Variants in TMC5 observed in about 807,000 individuals in gnomAD.
TMC5 encodes the protein transmembrane channel like 5.
A neutral mutation model predicts 110.5 loss-of-function variants in TMC5; 86 were observed. That is an observed-to-expected ratio of 0.78 (90% CI 0.65 to 0.93). The LOEUF (loss-of-function observed/expected upper bound fraction) is 0.93. TMC5 is among the 40% of genes least tolerant of loss of function. The pLI, the probability that TMC5 is intolerant of heterozygous loss-of-function variation, is 0.00. For synonymous variants in TMC5, 455 were observed against 439.5 expected (o/e 1.04, Z -0.44); for missense variants, 1,144 against 1,222.8 (o/e 0.94, Z 0.96).
intron 17 of TMC5, among the ~76,000 whole-genome samples, chr16:19,489,644 ATTTTT>A (rs34372092): frequency 7.7e-6 from 1 of 129,328 alleles, no homozygotes; most frequent in African/African-American, 2.8e-5. Context: ...TGCCTGGCTA[ATTTTT>A]TTTTTTTTTT....
Position 19,463,450 on chromosome 16 carries a change from T to G in TMC5, c.1236+83T>G, listed in dbSNP as rs868168967. The G allele has an allele frequency of 3.9e-5, 46 of 1,178,314 alleles. No individual in the cohort carries two copies. In the African/African-American group the frequency reaches 5.9e-4, roughly 15 times the overall value. The allele number at this position is 1,178,314 out of a possible 1,614,324, so 73.0% of individuals were successfully genotyped here. The stretch of plus-strand genomic sequence containing the variant: ...GATGAAAGGGGACTCAGGGGGAAGA[T>G]GAACCAAAAATCAGAGCAATTTCAT... On this transcript the variant is annotated intron_variant, in intron 7 of 21. Transcript: ENST00000542583.
intron 5 of TMC5, among the ~76,000 whole-genome samples, chr16:19,455,454 CA>C (rs1447531248): frequency 6.6e-6 from 1 of 151,872 alleles, no homozygotes; most frequent in Non-Finnish European, 1.5e-5. Flanking sequence ...TTTTAAAAAG[CA>C]AAAAAACAAG....
chr16:19,444,311 G>T, intron 4 of TMC5, 61 bp downstream of exon 4: 2 of 1,507,698 alleles, frequency 1.3e-6, no homozygotes, highest in African/African-American at 2.7e-5. Context: ...TGGATTTAGG[G>T]GTGCAATCAT....
intron 20 of TMC5, among the ~76,000 whole-genome samples, chr16:19,496,008 T>C (rs1234121012): frequency 6.6e-6 from 1 of 151,632 alleles, no homozygotes; most frequent in Non-Finnish European, 1.5e-5. Context: ...ACAAGAAAAC[T>C]TAGCTGGGTG....
chr16:19,460,426 A>C, intron 6 of TMC5, 92 bp downstream of exon 6: 1 of 869,742 alleles, frequency 1.1e-6, no homozygotes, highest in Non-Finnish European at 1.8e-6. Flanking sequence ...GAAATAAATA[A>C]GCACAATAGA....
rs539556622 is a variant in TMC5, at chr16:19,452,001, T to G, written c.1048+2370T>G. On this transcript the variant is annotated intron_variant, in intron 5 of 21. Transcript: ENST00000542583. Reference sequence around the variant, plus strand: ...TTTAGTAGAGACGGGGTTTCGGCATTTTGGCCAGGCTGGTCTCAAACTCCT... The same window carrying G: ...TTTAGTAGAGACGGGGTTTCGGCATGTTGGCCAGGCTGGTCTCAAACTCCT... 3.5e-3 allele frequency among the ~76,000 whole-genome samples: 530 copies of G among 152,078 alleles called. 5 individuals carry two copies. The highest frequency in any genetic ancestry group is 6.6e-3 in the Non-Finnish European group (447 of 67,984).
intron 4 of TMC5, among the ~76,000 whole-genome samples, chr16:19,447,542 A>AT (rs1967641282): frequency 6.6e-6 from 1 of 152,130 alleles, no homozygotes; most frequent in Non-Finnish European, 1.5e-5. Context: ...CACTGATTCA[A>AT]TTCCCACAAC....
intron 2 of TMC5, among the ~76,000 whole-genome samples, chr16:19,437,785 A>T (rs886912852): frequency 6.6e-6 from 1 of 151,838 alleles, no homozygotes; most frequent in Non-Finnish European, 1.5e-5. Context: ...CCTACTAATT[A>T]CTCTTTTTCT....
chr16:19,439,960 G>GT lies in TMC5; in HGVS notation c.-78dup. ...TTTTTCTTTTCTTCTTGTTTTTCAG[G>GT]TGAAAAAAAAAAAAGATCCCTGAGT... On this transcript the variant is annotated splice_region_variant and 5_prime_UTR_variant, in exon 3 of 22. Coordinates refer to ENST00000542583, the MANE Select transcript of TMC5 (RefSeq NM_001261841.2). 4 of 1,232,720 alleles carry GT rather than the reference G, an allele frequency of 3.2e-6. No individual in the cohort carries two copies. The highest frequency in any genetic ancestry group is 4.5e-6 in the Non-Finnish European group (4 of 881,060). 76.4% of individuals were successfully genotyped at this position (1,232,720 alleles called of 1,614,324 possible). A position where few individuals can be genotyped will look rare whatever the true frequency, so the allele number is the denominator to read the frequency against.
chr16:19,448,157 A>G (rs898894753), intron 4 of TMC5, among the ~76,000 whole-genome samples: 15 of 131,904 alleles, frequency 1.1e-4, no homozygotes, highest in Non-Finnish European at 1.9e-4. Flanking sequence ...CTCAAAAAAA[A>G]AAAAAAAAAA....
chr16:19,475,138 T>C (rs1968454425), intron 12 of TMC5, among the ~76,000 whole-genome samples: 3 of 152,088 alleles, frequency 2.0e-5, no homozygotes, highest in Non-Finnish European at 2.9e-5. Context: ...TACAGGTCTG[T>C]AGGCCGGGCA....
At chr16:19,471,922 G>C (rs1306032015) in intron 10 of TMC5, among the ~76,000 whole-genome samples, 166 bp from the exon 11 acceptor site, 2 of 151,996 alleles carry the variant, frequency 1.3e-5, no homozygotes, top group African/African-American at 4.8e-5. Context: ...CACCACGCCC[G>C]GCTAATTTTT....
At position 19,483,135 on chromosome 16, in the gene TMC5, A is replaced by G. The variant is rs533592328; in HGVS notation, c.2363+1670A>G. 2.0e-5 allele frequency among the ~76,000 whole-genome samples: 3 copies of G among 152,196 alleles called. No individual in the cohort carries two copies. In the South Asian group the frequency reaches 6.2e-4, roughly 32 times the overall value. On this transcript the variant is annotated intron_variant, in intron 15 of 21. Transcript: ENST00000542583. ...CTCAGCCTCCCAAAGTGCTGGGATT[A>G]TAGGTGTGAGTCACCATGCTCAGCC...
chr16:19,439,399 C>T (rs1312390379), intron 2 of TMC5, among the ~76,000 whole-genome samples: 1 of 152,114 alleles, frequency 6.6e-6, no homozygotes, highest in Admixed American at 6.5e-5. Flanking sequence ...CACAAAAAGT[C>T]CTTGTTTCTT....
intron 3 of TMC5, among the ~76,000 whole-genome samples, chr16:19,443,555 G>T (rs1967537645): frequency 6.6e-6 from 1 of 152,178 alleles, no homozygotes; most frequent in Admixed American, 6.5e-5. Flanking sequence ...GTACCAACTT[G>T]TACTGTGAGC....
chr16:19,440,808 C>G lies in TMC5; in HGVS notation c.770C>G (p.Thr257Ser). ...GGTCATGATTATGGCTCTTCTGAGACCCCAAAGATGACCAGGGGGTAAGTT... is the reference window on the plus strand; with the variant it reads ...GGTCATGATTATGGCTCTTCTGAGAGCCCAAAGATGACCAGGGGGTAAGTT... ...ENGHDYGSSE[T>S]PKMTRGVLSR... The change falls in exon 3 of 22, where the codon ACC (threonine) becomes AGC (serine). Residue 257 changes from threonine (T) to serine (S), a missense_variant. Thr to Ser is a moderately conservative substitution (Grantham distance 58). Coordinates refer to ENST00000542583, the MANE Select transcript of TMC5 (RefSeq NM_001261841.2). 1 of 1,612,954 alleles carries G rather than the reference C, an allele frequency of 6.2e-7. No individual in the cohort carries two copies. The highest frequency in any genetic ancestry group is 8.5e-7 in the Non-Finnish European group (1 of 1,179,664).
intron 2 of TMC5, among the ~76,000 whole-genome samples, chr16:19,433,214 G>A (rs1967230803): frequency 2.0e-5 from 3 of 152,196 alleles, no homozygotes; most frequent in South Asian, 4.1e-4. Flanking sequence ...AAAAGCTACT[G>A]TGGGTAGGTG....
intron 4 of TMC5, among the ~76,000 whole-genome samples, 190 bp downstream of exon 4, chr16:19,444,440 TA>T (rs200690667): frequency 6.6e-6 from 1 of 151,902 alleles, no homozygotes; most frequent in Non-Finnish European, 1.5e-5. Context: ...TCATCAATTA[TA>T]AAAAAAATGC....
chr16:19,427,989 C>T (rs1967121087), intron 1 of TMC5, among the ~76,000 whole-genome samples: 1 of 151,966 alleles, frequency 6.6e-6, no homozygotes, highest in Non-Finnish European at 1.5e-5. Flanking sequence ...GAGCTTCACC[C>T]ACCTTGGGGA....
Sources: gnomAD v4.1 joint callset for allele counts (sites outside exome capture counted in the v4.1 genomes callset) on GRCh38, gnomAD v4.1.1 for gene constraint, MANE v1.5 for transcripts, NCBI Gene and HGNC (gene_info 2026-07-23, HGNC 2026-07-21) for gene names.